The following ITIH2 variants were observed in gnomAD, a reference collection of about 807,000 sequenced individuals.
ITIH2 encodes inter-alpha-trypsin inhibitor heavy chain H2.
ITIH2 carries 103 observed loss-of-function variants against 104.4 expected under a neutral mutation model. That is an observed-to-expected ratio of 0.99 (90% CI 0.84 to 1.16). ITIH2 has a LOEUF of 1.16. Ranked by LOEUF, ITIH2 falls within the 50% of genes most tolerant of loss-of-function variation. The pLI is 0.00. For missense variants in ITIH2, 1,108 were observed against 1,162.4 expected (o/e 0.95, Z 0.68); for synonymous variants, 436 against 435.4 (o/e 1.00, Z -0.02).
In ITIH2 at chr10:7,748,230, A is replaced by AT. The variant is rs1491370815; in HGVS notation, c.2694-957_2694-956insT. On this transcript the variant is annotated intron_variant, in intron 20 of 20. Coordinates refer to ENST00000358415, the MANE Select transcript of ITIH2 (RefSeq NM_002216.3). The stretch of plus-strand genomic sequence containing the variant: ...TATATATATTTATATATACATATAT[A>AT]AATAAATATATGTATACATATATAT... 5.5e-4 allele frequency among the ~76,000 whole-genome samples: 61 copies of AT among 110,310 alleles called. 1 individual carries two copies. In the South Asian group the frequency reaches 0.017, roughly 30 times the overall value. The allele number at this position is 110,310 out of a possible 152,430, so 72.4% of individuals were successfully genotyped here.
intron 9 of ITIH2, among the ~76,000 whole-genome samples, chr10:7,725,019 A>G (rs1000966383): frequency 6.6e-6 from 1 of 151,848 alleles, no homozygotes; most frequent in Admixed American, 6.6e-5. Context: ...GACCCAAAGC[A>G]TAAAAACAGA....
chr10:7,737,295 C>CA (rs1835064478), intron 15 of ITIH2, among the ~76,000 whole-genome samples: 1 of 150,908 alleles, frequency 6.6e-6, no homozygotes, highest in South Asian at 2.1e-4. Context: ...TGCACACACC[C>CA]AGGGCTAGGA....
intron 4 of ITIH2, among the ~76,000 whole-genome samples, chr10:7,710,261 C>A (rs1479713922): frequency 6.6e-6 from 1 of 152,204 alleles, no homozygotes; most frequent in African/African-American, 2.4e-5. Context: ...ATGGACATCT[C>A]ATATTATTCC....
intron 1 of ITIH2, 38 bp downstream of exon 1, chr10:7,703,556 T>A (rs774831508): frequency 8.0e-7 from 1 of 1,254,508 alleles, no homozygotes; most frequent in Non-Finnish European, 1.2e-6. Context: ...GTTGGCTTGT[T>A]CATGAGCTCA....
rs142133301 is a variant in ITIH2 at position 7,712,403 on chromosome 10, T to C, written c.363-778T>C. On this transcript the variant is annotated intron_variant, in intron 4 of 20. Coordinates refer to ENST00000358415, the MANE Select transcript of ITIH2 (RefSeq NM_002216.3). The stretch of plus-strand genomic sequence containing the variant: ...TCGTCCTAGGAAGTAAGGTTCAACA[T>C]GCACATTTGCGGGGAACATAAACAT... Among the ~76,000 whole-genome samples the C allele has an allele frequency of 8.3e-3, 1,264 of 152,308 alleles. 19 individuals are homozygous for C. The highest frequency in any genetic ancestry group is 0.058 in the Middle Eastern group (17 of 294).
intron 8 of ITIH2, among the ~76,000 whole-genome samples, chr10:7,722,588 G>A (rs529006764): frequency 1.3e-5 from 2 of 152,066 alleles, no homozygotes; most frequent in African/African-American, 2.4e-5. Flanking sequence ...ACCACATATG[G>A]AGCCCCAAAT....
chr10:7,747,722 A>G (rs1296560110), intron 20 of ITIH2, among the ~76,000 whole-genome samples: 2 of 152,118 alleles, frequency 1.3e-5, no homozygotes, highest in Admixed American at 6.6e-5. Flanking sequence ...CTCCATCTCT[A>G]CAAAAATAAA....
intron 14 of ITIH2, among the ~76,000 whole-genome samples, chr10:7,733,459 G>T (rs1343509695): frequency 9.2e-5 from 14 of 152,158 alleles, no homozygotes; most frequent in Admixed American, 9.2e-4. Flanking sequence ...AACGATTATG[G>T]TGTTCCCTAA....
intron 5 of ITIH2, among the ~76,000 whole-genome samples, chr10:7,715,746 T>C (rs1834842888): frequency 6.6e-6 from 1 of 152,220 alleles, no homozygotes; most frequent in African/African-American, 2.4e-5. Context: ...TATTTATTTC[T>C]TTTCTTTTGA....
In ITIH2 at chr10:7,717,668, T is replaced by C. The variant is rs765388050; in HGVS notation, c.510T>C (p.Asn170=). ...LDMENFRTEV[N]VLPGAKVQFE... The stretch of plus-strand genomic sequence containing the variant: ...TGGAAAACTTCAGAACGGAAGTAAA[T>C]GTCCTCCCAGGAGCAAAGGTGCAGT... The change falls in exon 6 of 21, where the codon AAT becomes AAC. Residue 170 remains asparagine, a synonymous_variant. Coordinates refer to ENST00000358415, the MANE Select transcript of ITIH2 (RefSeq NM_002216.3). 29 of 1,613,888 alleles carry C rather than the reference T, an allele frequency of 1.8e-5. 1 individual carries two copies. In the Admixed American group the frequency reaches 3.5e-4, roughly 19 times the overall value.
In ITIH2 at chr10:7,726,983, C is replaced by T. The variant is rs763879060; in HGVS notation, c.1018C>T (p.Leu340Phe). 1.9e-6 allele frequency: 3 copies of T among 1,613,710 alleles called. No individual in the cohort carries two copies. Among genetic ancestry groups the T allele is most frequent in the African/African-American group, 1.3e-5 (1 of 75,024 alleles). Residue 340 changes from leucine to phenylalanine, a missense_variant, in exon 10 of 21, where the codon CTC becomes TTC. Leu to Phe is a conservative substitution (Grantham distance 22, BLOSUM62 0). Transcript: ENST00000358415. ...AGCAATGAAGACCATATTGGATGAC[C>T]TCAGAGCAGAAGACCATTTCTCTGT... ...VEAMKTILDD[L>F]RAEDHFSVID... is the part of the protein sequence containing the mutation.
chr10:7,714,660 C>A (rs1265220972), intron 5 of ITIH2, among the ~76,000 whole-genome samples: 1 of 152,120 alleles, frequency 6.6e-6, no homozygotes, highest in Non-Finnish European at 1.5e-5. Context: ...AAGCGGACAC[C>A]GTCAGCCTCA....
At chr10:7,731,454 G>A (rs559134315) in intron 12 of ITIH2, among the ~76,000 whole-genome samples, 1 of 152,218 alleles carries the variant, frequency 6.6e-6, no homozygotes, top group Admixed American at 6.5e-5. Flanking sequence ...TTTTAGATCA[G>A]CTGGGCGTAA....
At chr10:7,745,892 T>G (rs562308699) in intron 19 of ITIH2, among the ~76,000 whole-genome samples, 1 of 150,754 alleles carries the variant, frequency 6.6e-6, no homozygotes, top group Non-Finnish European at 1.5e-5. Context: ...GTAGCTGGGA[T>G]TACAGGCATG....
chr10:7,710,714 A>G (rs1834789536), intron 4 of ITIH2, among the ~76,000 whole-genome samples: 1 of 152,224 alleles, frequency 6.6e-6, no homozygotes, highest in African/African-American at 2.4e-5. Flanking sequence ...TGTCACTTTA[A>G]TTGGTATCCT....
intron 2 of ITIH2, 71 bp downstream of exon 2, chr10:7,705,253 AAG>A: frequency 9.5e-7 from 1 of 1,051,728 alleles, no homozygotes; most frequent in Non-Finnish European, 1.5e-6. Context: ...GACAAGTGTT[AAG>A]ATGCCTTCTG....
chr10:7,703,550 G>A, intron 1 of ITIH2, 32 bp downstream of exon 1: 5 of 1,335,806 alleles, frequency 3.7e-6, no homozygotes, highest in Non-Finnish European at 4.3e-6. Flanking sequence ...CTTGCTGTTG[G>A]CTTGTTCATG....
At chr10:7,722,619 T>C (rs922719160) in intron 8 of ITIH2, among the ~76,000 whole-genome samples, 3 of 152,180 alleles carry the variant, frequency 2.0e-5, no homozygotes, top group African/African-American at 7.2e-5. Context: ...TTCTCATCTC[T>C]GGGGCTGCGC....
At chr10:7,734,255 C>T (rs1216025646) in intron 14 of ITIH2, among the ~76,000 whole-genome samples, 2 of 152,150 alleles carry the variant, frequency 1.3e-5, no homozygotes, top group Admixed American at 6.5e-5. Context: ...ACAAATGCAC[C>T]ACTCTGATGT....
Sources: allele counts gnomAD v4.1 joint callset (sites outside exome capture counted in the v4.1 genomes callset), GRCh38; gene constraint gnomAD v4.1.1; transcripts MANE v1.5; gene names NCBI Gene and HGNC (gene_info 2026-07-23, HGNC 2026-07-21).